MPV17: variants seen among roughly 807,000 people sequenced by gnomAD.
MPV17 encodes mitochondrial inner membrane protein MPV17, also known as MPV17, mitochondrial inner membrane protein.
Under a neutral mutation model 28.6 loss-of-function variants are expected in MPV17, and 31 were observed. The ratio of observed to expected loss-of-function variants is 1.08; its 90% confidence interval spans 0.81 to 1.46. The LOEUF is 1.46. Among genes scored for constraint, MPV17 ranks in the 40% most tolerant of loss-of-function variants. The pLI is 0.00. For missense variants in MPV17, 198 were observed against 216.2 expected, an observed-to-expected ratio of 0.92 and a Z score of 0.53; for synonymous variants, 87 against 85.3, an observed-to-expected ratio of 1.02 and a Z score of -0.11.
intron 2 of MPV17, chr2:27,316,313 C>T (rs72817545): frequency 0.023 from 26,223 of 1,145,742 alleles, 1,456 homozygotes; most frequent in African/African-American, 0.2. Context: ...GTTCTGGAAG[C>T]CTGCAGCCTT....
Position 27,313,341 on chromosome 2 carries a change from AG to A in MPV17, c.71-233del, listed in dbSNP as rs2148216662. ...AACTGGGATGAGCAGACCCAGGTCC[AG>A]GAACTTTGCATTGAGCAGTAAAGGG... On this transcript the variant is annotated intron_variant, in intron 2 of 7. Transcript: ENST00000380044. The A allele has an allele frequency of 3.3e-6, 3 of 914,912 alleles. No homozygotes were observed. In the East Asian group the frequency reaches 7.9e-5, roughly 24 times the overall value. The allele number at this position is 914,912 out of a possible 1,614,324, so 56.7% of individuals were successfully genotyped here.
At position 27,312,704 on chromosome 2, in the gene MPV17, T is replaced by G. The variant is rs778222745; in HGVS notation, c.255A>C (p.Ala85=). The change falls in exon 4 of 8, where the codon GCA becomes GCC. Residue 85 remains alanine (A), a synonymous_variant. Transcript: ENST00000380044. ...CCTGATCCAACAACATCTTCTTCAG[T>G]GCATCCACTTTGGTGGTGCCAGGGA... ...RFIPGTTKVD[A]LKKMLLDQGG... The G allele has an allele frequency of 5.0e-6, 8 of 1,614,246 alleles. No individual in the cohort carries two copies. The highest frequency in any genetic ancestry group is 6.8e-6 in the Non-Finnish European group (8 of 1,180,050).
chr2:27,311,885 G>C lies in MPV17; in HGVS notation c.461+14C>G. ...TGGGTCTTCCTTGATGGGTGGGGTA[G>C]GGGTGCAACATACCTGTAATGAAGG... On this transcript the variant is annotated intron_variant, in intron 7 of 7. Coordinates refer to ENST00000380044, the MANE Select transcript of MPV17 (RefSeq NM_002437.5). The C allele has an allele frequency of 1.2e-6, 2 of 1,613,328 alleles. No homozygotes were observed. The highest frequency in any genetic ancestry group is 1.7e-6 in the Non-Finnish European group (2 of 1,179,700).
In MPV17 at chr2:27,322,480, G is replaced by A; in HGVS notation, c.38C>T (p.Ala13Val). The change falls in exon 2 of 8, where the codon GCT (alanine) becomes GTT (valine). Residue 13 changes from alanine to valine, a missense_variant. Physicochemically the swap from Ala to Val is moderately conservative, Grantham distance 64. Transcript: ENST00000380044. The stretch of plus-strand genomic sequence containing the variant: ...CAGGACCTGTACTTTCCACGGGTGA[G>A]CGGCCAGGGCCCGCTGGTATGCCCG... ...LWRAYQRALA[A>V]HPWKVQVLTA... The A allele has an allele frequency of 6.2e-7, 1 of 1,614,108 alleles. No homozygotes were observed. Among genetic ancestry groups the A allele is most frequent in the Non-Finnish European group, 8.5e-7 (1 of 1,180,038 alleles).
In MPV17 at chr2:27,309,546, G is replaced by A. The variant is rs539574166; in HGVS notation, c.*366C>T. On this transcript the variant is annotated 3_prime_UTR_variant, in exon 8 of 8. Transcript: ENST00000380044. ...ACTGAGGCACCATATAAAGGGTTCC[G>A]GGAGTCTCTAAAGAGCTGGAGCTAC... 9.5e-5 allele frequency: 46 copies of A among 482,680 alleles called. No individual in the cohort carries two copies. The highest frequency in any genetic ancestry group is 1.1e-3 in the Middle Eastern group (2 of 1,784). 29.9% of individuals were successfully genotyped at this position (482,680 alleles called of 1,614,324 possible). A position where few individuals can be genotyped will look rare whatever the true frequency, so the allele number is the denominator to read the frequency against.
intron 7 of MPV17, among the ~76,000 whole-genome samples, chr2:27,310,751 C>T (rs6721762): frequency 0.051 from 7,785 of 152,038 alleles, 261 homozygotes; most frequent in African/African-American, 0.09. Context: ...TTTGTTTTTT[C>T]GGGTTTTTTT....
At chr2:27,318,814 G>C (rs1386330639) in intron 2 of MPV17, among the ~76,000 whole-genome samples, 1 of 151,778 alleles carries the variant, frequency 6.6e-6, no homozygotes, top group Non-Finnish European at 1.5e-5. Flanking sequence ...GCCCAGGCTG[G>C]AGTGCTGTAG....
At chr2:27,312,118 C>A (rs570077565) in intron 6 of MPV17, 96 bp downstream of exon 6, 1 of 1,483,684 alleles carries the variant, frequency 6.7e-7, no homozygotes, top group Non-Finnish European at 9.4e-7. Flanking sequence ...GTAATCCCAA[C>A]GGAAGGGTTT....
At chr2:27,320,181 G>A (rs1348960165) in intron 2 of MPV17, among the ~76,000 whole-genome samples, 1 of 150,934 alleles carries the variant, frequency 6.6e-6, no homozygotes, top group Non-Finnish European at 1.5e-5. Context: ...AGGTTGCAGT[G>A]AGTCGAGATC....
chr2:27,316,286 T>G (rs1679647874), intron 2 of MPV17: 8 of 1,390,232 alleles, frequency 5.8e-6, no homozygotes, highest in Non-Finnish European at 7.9e-6. Context: ...GCCAAGTCCC[T>G]GACTTCTAGC....
chr2:27,322,444 T>C lies in MPV17; in HGVS notation c.70+4A>G, dbSNP rs753840889. On this transcript the variant is annotated splice_donor_region_variant and intron_variant, in intron 2 of 7. Transcript: ENST00000380044. ...TCCCACTCAAGTCCTAGAGGGACAC[T>C]CACCAGCTGTCAGGACCTGTACTTT... is the stretch of plus-strand genomic sequence containing the variant. The C allele has an allele frequency of 6.2e-7, 1 of 1,613,692 alleles. No individual in the cohort carries two copies. Among genetic ancestry groups the C allele is most frequent in the East Asian group, 2.2e-5 (1 of 44,896 alleles).
rs1435169333 is a variant in MPV17 at position 27,317,362 on chromosome 2, C to T, written c.71-4253G>A. ...ATTCTGAATGCTCTCCCATTTCTGA[C>T]CTGAACCCATCCTACTGCTAGAAAA... On this transcript the variant is annotated intron_variant, in intron 2 of 7. Coordinates refer to ENST00000380044, the MANE Select transcript of MPV17 (RefSeq NM_002437.5). The surrounding 1 kb of genome is among the most constrained non-coding windows in gnomAD (Gnocchi z 4.0). 2.6e-6 allele frequency: 2 copies of T among 783,108 alleles called. No homozygotes were observed. The highest frequency in any genetic ancestry group is 3.8e-6 in the Non-Finnish European group (2 of 520,724). The allele number at this position is 783,108 out of a possible 1,614,324, so 48.5% of individuals were successfully genotyped here. A position where few individuals can be genotyped will look rare whatever the true frequency, so the allele number is the denominator to read the frequency against.
In MPV17 at chr2:27,309,784, A is replaced by G; in HGVS notation, c.*128T>C. 1 of 738,328 alleles carries G rather than the reference A, an allele frequency of 1.4e-6. No homozygotes were observed. The highest frequency in any genetic ancestry group is 2.5e-6 in the Non-Finnish European group (1 of 402,678). 45.7% of individuals were successfully genotyped at this position (738,328 alleles called of 1,614,324 possible). On this transcript the variant is annotated 3_prime_UTR_variant, in exon 8 of 8. Transcript: ENST00000380044. ...GTGAAGAGGGGCATTGCAGGGTGCTAGTCCTCTTAAGCTCTGACCGGCAAC... is the reference window on the plus strand; with the variant it reads ...GTGAAGAGGGGCATTGCAGGGTGCTGGTCCTCTTAAGCTCTGACCGGCAAC...
At chr2:27,319,174 C>T (rs1975384) in intron 2 of MPV17, among the ~76,000 whole-genome samples, 34,244 of 151,710 alleles carry the variant, frequency 0.23, 4,129 homozygotes, top group Admixed American at 0.34. Flanking sequence ...TCCCTCTTTC[C>T]CTCCATGGGA....
intron 2 of MPV17, among the ~76,000 whole-genome samples, chr2:27,318,085 T>G (rs1289276253): frequency 6.6e-6 from 1 of 151,590 alleles, no homozygotes. Flanking sequence ...TTTTTTTTTT[T>G]TGAGACAGAG....
At position 27,314,559 on chromosome 2, in the gene MPV17, G is replaced by C. The variant is rs144844534; in HGVS notation, c.71-1450C>G. On this transcript the variant is annotated intron_variant, in intron 2 of 7. Transcript: ENST00000380044. ...CTTGCCCCAACTGCACAGATACCCA[G>C]CTCCAAGCAGCCCTATTTAGACACC... Among the ~76,000 whole-genome samples, 54 of 152,244 alleles carry C rather than the reference G, an allele frequency of 3.5e-4. No individual in the cohort carries two copies. The East Asian group carries it at 9.6e-3, about 27-fold the overall frequency.
At chr2:27,319,655 T>A (rs1406614140) in intron 2 of MPV17, among the ~76,000 whole-genome samples, 2 of 151,632 alleles carry the variant, frequency 1.3e-5, no homozygotes, top group African/African-American at 2.4e-5. Flanking sequence ...TGGGGCCTAC[T>A]GGATCACACC....
intron 2 of MPV17, among the ~76,000 whole-genome samples, chr2:27,321,542 G>A (rs1679858449): frequency 6.6e-6 from 1 of 152,160 alleles, no homozygotes; most frequent in South Asian, 2.1e-4. Flanking sequence ...CTCTAAACAT[G>A]GGCAAGACCT....
chr2:27,315,218 G>A (rs1286744992), intron 2 of MPV17, among the ~76,000 whole-genome samples: 4 of 152,240 alleles, frequency 2.6e-5, no homozygotes, highest in South Asian at 2.1e-4. Context: ...ACAGCAGGAC[G>A]ACTCTGAGAA....
Sources: gnomAD v4.1 joint callset for allele counts (sites outside exome capture counted in the v4.1 genomes callset) on GRCh38, gnomAD v4.1.1 for gene constraint, Gnocchi (gnomAD v3.1) non-coding constraint, MANE v1.5 for transcripts, NCBI Gene and HGNC (gene_info 2026-07-23, HGNC 2026-07-21) for gene names.